The following FAM163A variants were observed in gnomAD, a reference collection of about 807,000 sequenced individuals.
FAM163A encodes family with sequence similarity 163 member A, also known as protein FAM163A.
FAM163A carries 7 observed loss-of-function variants against 12.0 expected under a neutral mutation model. The observed-to-expected ratio is 0.58, with a 90% CI of 0.33 to 1.10. The LOEUF (loss-of-function observed/expected upper bound fraction) is 1.10, where lower values mean the gene tolerates loss of function less well. FAM163A is among the 50% of genes least tolerant of loss of function. The probability of loss-of-function intolerance (pLI) is 0.03; values close to 1 mark genes in which losing one functional copy is unlikely to be tolerated. For synonymous variants in FAM163A, 101 were observed against 91.0 expected (o/e 1.11, Z -0.62); for missense variants, 202 against 218.6 (o/e 0.92, Z 0.48).
chr1:179,764,043 T>C (rs1687161253), intron 1 of FAM163A, among the ~76,000 whole-genome samples: 1 of 152,126 alleles, frequency 6.6e-6, no homozygotes, highest in African/African-American at 2.4e-5. Context: ...TGTATTTTAT[T>C]TGGGGAATCA....
chr1:179,814,208 G>GCA lies in FAM163A; in HGVS notation c.*27_*28dup, dbSNP rs745313153. 2 of 1,584,694 alleles carry GCA rather than the reference G, an allele frequency of 1.3e-6. No homozygotes were observed. The highest frequency in any genetic ancestry group is 2.3e-5 in the South Asian group (2 of 86,784). On this transcript the variant is annotated 3_prime_UTR_variant, in exon 5 of 5. Transcript: ENST00000341785. ...CGTGTAAATCCTTCCACCCCGACCC[G>GCA]CACACACACCCACACTGCTGCCCTG...
At position 179,750,230 on chromosome 1, in the gene FAM163A, T is replaced by C. The variant is rs115876953; in HGVS notation, c.-136+6807T>C. Among the ~76,000 whole-genome samples, 1,099 of 152,260 alleles carry C rather than the reference T, an allele frequency of 7.2e-3. 7 individuals are homozygous for C. Among genetic ancestry groups the C allele is most frequent in the Non-Finnish European group, 0.013 (886 of 68,018 alleles). On this transcript the variant is annotated intron_variant, in intron 1 of 4. Transcript: ENST00000341785. ...ACTGAATGTCACTGGAGATACAATG[T>C]TGGAGGCAGGGGGATAGGAGGAGAC...
At chr1:179,766,081 T>A (rs2148075009) in intron 1 of FAM163A, among the ~76,000 whole-genome samples, 1 of 152,296 alleles carries the variant, frequency 6.6e-6, no homozygotes, top group Non-Finnish European at 1.5e-5. Flanking sequence ...TACCCCAAGA[T>A]GAAGGCCTCA....
intron 3 of FAM163A, 115 bp from the exon 4 acceptor site, chr1:179,812,961 C>T (rs906355212): frequency 2.1e-6 from 2 of 944,658 alleles, no homozygotes; most frequent in African/African-American, 3.3e-5. Context: ...CCTCCCGGCA[C>T]CTGCTGCTCT....
rs141893129 is a variant in FAM163A, at chr1:179,803,730, G to A, written c.-135-4068G>A. On this transcript the variant is annotated intron_variant, in intron 1 of 4. Transcript: ENST00000341785. ...ATTACAGGCACGTGCTACCACGCCC[G>A]GCTAATTTTTGTGTTTTTAATAGAG... is the stretch of plus-strand genomic sequence containing the variant. 9.7e-3 allele frequency among the ~76,000 whole-genome samples: 1,478 copies of A among 151,770 alleles called. 26 individuals are homozygous for A. Among genetic ancestry groups the A allele is most frequent in the African/African-American group, 0.034 (1,398 of 41,416 alleles).
intron 1 of FAM163A, among the ~76,000 whole-genome samples, chr1:179,770,490 T>C (rs1688132806): frequency 6.6e-6 from 1 of 152,136 alleles, no homozygotes; most frequent in Admixed American, 6.5e-5. Context: ...AGGCTGAACT[T>C]TAGCAGTGCC....
At chr1:179,776,363 C>T (rs763355644) in intron 1 of FAM163A, among the ~76,000 whole-genome samples, 3 of 151,936 alleles carry the variant, frequency 2.0e-5, no homozygotes, top group Admixed American at 6.6e-5. Context: ...TGGTGGTGCA[C>T]ACCTGTAATA....
At chr1:179,786,624 C>A (rs1321554158) in intron 1 of FAM163A, among the ~76,000 whole-genome samples, 1 of 152,192 alleles carries the variant, frequency 6.6e-6, no homozygotes, top group Non-Finnish European at 1.5e-5. Flanking sequence ...CCATTGAATC[C>A]TCAAGACAAC....
chr1:179,731,814 C>T, the FAM163A span, among the ~76,000 whole-genome samples: 1 of 152,156 alleles, frequency 6.6e-6, no homozygotes, highest in African/African-American at 2.4e-5. Context: ...GCAAATATTA[C>T]ATCATTGTAA....
intron 1 of FAM163A, among the ~76,000 whole-genome samples, chr1:179,758,421 C>T (rs566364005): frequency 6.6e-6 from 1 of 152,232 alleles, no homozygotes; most frequent in East Asian, 1.9e-4. Context: ...CTGAGAAAAA[C>T]AACAGAAAGA....
chr1:179,798,186 C>T (rs572982098), intron 1 of FAM163A, among the ~76,000 whole-genome samples: 7 of 152,064 alleles, frequency 4.6e-5, no homozygotes, highest in East Asian at 3.9e-4. Flanking sequence ...GCTGAGATCA[C>T]GCCACTGTAC....
chr1:179,730,721 A>T, the FAM163A span, among the ~76,000 whole-genome samples: 1 of 152,230 alleles, frequency 6.6e-6, no homozygotes, highest in East Asian at 1.9e-4. Context: ...TATGCAAAAA[A>T]GCACTCTTTT....
At chr1:179,791,570 C>T (rs557256401) in intron 1 of FAM163A, among the ~76,000 whole-genome samples, 190 of 152,358 alleles carry the variant, frequency 1.2e-3, no homozygotes, top group African/African-American at 4.4e-3. Context: ...AGGCTGCAGG[C>T]TGGCAACTAA....
At chr1:179,806,546 A>T (rs982638467) in intron 1 of FAM163A, among the ~76,000 whole-genome samples, 2 of 152,222 alleles carry the variant, frequency 1.3e-5, no homozygotes, top group Non-Finnish European at 2.9e-5. Context: ...GTGAGGCATC[A>T]TGCTAATGTC....
At chr1:179,744,214 C>T (rs1684089592) in intron 1 of FAM163A, among the ~76,000 whole-genome samples, 1 of 152,162 alleles carries the variant, frequency 6.6e-6, no homozygotes, top group Admixed American at 6.5e-5. Context: ...CGTGGGGCCG[C>T]GGTGTCCTTG....
At chr1:179,776,996 C>G (rs529530013) in intron 1 of FAM163A, among the ~76,000 whole-genome samples, 1 of 152,234 alleles carries the variant, frequency 6.6e-6, no homozygotes, top group Admixed American at 6.5e-5. Flanking sequence ...GTGAATGGCT[C>G]TTTTCACTTA....
chr1:179,752,773 G>A (rs2504047), intron 1 of FAM163A, among the ~76,000 whole-genome samples: 130,153 of 152,210 alleles, frequency 0.86, 56,205 homozygotes, highest in East Asian at 1. Flanking sequence ...TGGGATGGCA[G>A]TTATCAAAGT....
intron 3 of FAM163A, 44 bp from the exon 4 acceptor site, chr1:179,813,032 G>A: frequency 6.5e-7 from 1 of 1,530,946 alleles, no homozygotes; most frequent in Non-Finnish European, 8.9e-7. Context: ...CCAGCCCAGG[G>A]CTGCAGCCAC....
chr1:179,797,811 G>T (rs1692556818), intron 1 of FAM163A, among the ~76,000 whole-genome samples: 1 of 152,086 alleles, frequency 6.6e-6, no homozygotes, highest in African/African-American at 2.4e-5. Context: ...CTTCTAGAAG[G>T]TTTACTTGGA....
Sources: gnomAD v4.1 joint callset for allele counts (sites outside exome capture counted in the v4.1 genomes callset) on GRCh38, gnomAD v4.1.1 for gene constraint, MANE v1.5 for transcripts, NCBI Gene and HGNC (gene_info 2026-07-23, HGNC 2026-07-21) for gene names.